SMYD3: variants seen among roughly 807,000 people sequenced by gnomAD.
The protein encoded by SMYD3 is histone-lysine N-methyltransferase SMYD3.
SMYD3 carries 36 observed loss-of-function variants against 57.7 expected under a neutral mutation model. The ratio of observed to expected loss-of-function variants is 0.62; its 90% CI spans 0.48 to 0.82. SMYD3 has a LOEUF of 0.82. SMYD3 is among the 40% of genes least tolerant of loss of function. The pLI is 0.00. For synonymous variants in SMYD3, 211 were observed against 195.0 expected, an observed-to-expected ratio of 1.08 and a Z score of -0.68; for missense variants, 515 against 538.8, an observed-to-expected ratio of 0.96 and a Z score of 0.44.
chr1:246,165,230 G>A (rs1384834230), intron 5 of SMYD3, among the ~76,000 whole-genome samples: 1 of 152,158 alleles, frequency 6.6e-6, no homozygotes, highest in Admixed American at 6.5e-5. Context: ...CAGCGGAGGT[G>A]ACAAGAAGTA....
intron 5 of SMYD3, among the ~76,000 whole-genome samples, chr1:245,973,875 A>G (rs1303277331): frequency 6.6e-6 from 1 of 152,256 alleles, no homozygotes; most frequent in Admixed American, 6.5e-5. Flanking sequence ...AATGTCCAGA[A>G]AAATAAATTT....
chr1:245,754,057 C>T (rs1254248452), intron 11 of SMYD3, among the ~76,000 whole-genome samples: 5 of 151,988 alleles, frequency 3.3e-5, no homozygotes, highest in African/African-American at 7.3e-5. Context: ...CATCCAGACT[C>T]GAAATGTCAC....
intron 5 of SMYD3, among the ~76,000 whole-genome samples, chr1:245,992,562 T>C (rs1486477167): frequency 2.7e-5 from 4 of 146,818 alleles, no homozygotes; most frequent in African/African-American, 1.0e-4. Flanking sequence ...CCTGGAGTGG[T>C]CATGGATCGG....
chr1:246,045,480 T>C (rs1172991468), intron 5 of SMYD3, among the ~76,000 whole-genome samples: 1 of 152,044 alleles, frequency 6.6e-6, no homozygotes, highest in East Asian at 1.9e-4. Context: ...CAAAAATTAA[T>C]TCAAGATGGA....
At chr1:245,955,229 C>T (rs1360225309) in intron 5 of SMYD3, among the ~76,000 whole-genome samples, 1 of 150,150 alleles carries the variant, frequency 6.7e-6, no homozygotes, top group Non-Finnish European at 1.5e-5. Flanking sequence ...GTAGCTGGGA[C>T]TACAGGTGCC....
At chr1:246,356,870 T>C (rs759542695) in intron 1 of SMYD3, among the ~76,000 whole-genome samples, 11 of 152,226 alleles carry the variant, frequency 7.2e-5, no homozygotes, top group Non-Finnish European at 1.3e-4. Flanking sequence ...GGAAACATTA[T>C]TTGAGGGAAT....
intron 10 of SMYD3, among the ~76,000 whole-genome samples, chr1:245,839,325 G>A (rs61612114): frequency 0.02 from 3,099 of 152,006 alleles, 103 homozygotes; most frequent in African/African-American, 0.069. Flanking sequence ...GCCTGCCACA[G>A]CGCCCAGCTA....
intron 5 of SMYD3, among the ~76,000 whole-genome samples, chr1:246,284,898 T>C (rs77709243): frequency 0.046 from 7,032 of 152,050 alleles, 547 homozygotes; most frequent in African/African-American, 0.16. Flanking sequence ...TTCAGGTTGC[T>C]AATATTTTAT....
intron 8 of SMYD3, among the ~76,000 whole-genome samples, chr1:245,896,443 A>T (rs966946297): frequency 1.3e-5 from 2 of 151,808 alleles, no homozygotes; most frequent in Non-Finnish European, 2.9e-5. Context: ...ATAGAACAGA[A>T]ATGCAAAGCA....
chr1:246,048,349 G>A (rs191377397), intron 5 of SMYD3, among the ~76,000 whole-genome samples: 2 of 152,220 alleles, frequency 1.3e-5, no homozygotes, highest in East Asian at 3.9e-4. Context: ...AATTCACGTG[G>A]CCTTGAAGAA....
chr1:246,372,357 T>C (rs1464026248), intron 1 of SMYD3, among the ~76,000 whole-genome samples: 1 of 152,198 alleles, frequency 6.6e-6, no homozygotes, highest in Admixed American at 6.5e-5. Flanking sequence ...AGTTTGAGCA[T>C]ATCTTTTTAT....
intron 5 of SMYD3, among the ~76,000 whole-genome samples, chr1:246,001,246 T>C (rs2059037770): frequency 6.6e-6 from 1 of 152,186 alleles, no homozygotes; most frequent in Admixed American, 6.5e-5. Flanking sequence ...TCGGAAAGTG[T>C]TGCTTCTGAC....
intron 5 of SMYD3, among the ~76,000 whole-genome samples, chr1:246,314,348 A>C (rs1160367780): frequency 6.6e-6 from 1 of 152,220 alleles, no homozygotes; most frequent in Non-Finnish European, 1.5e-5. Context: ...GGTGGAATGC[A>C]GAAAATAAGA....
chr1:246,255,148 G>A (rs1162610628), intron 5 of SMYD3, among the ~76,000 whole-genome samples: 1 of 151,994 alleles, frequency 6.6e-6, no homozygotes, highest in Non-Finnish European at 1.5e-5. Flanking sequence ...GCTCCAGCTA[G>A]CACTTCCAGG....
chr1:246,210,657 C>A (rs1443717313), intron 5 of SMYD3, among the ~76,000 whole-genome samples: 1 of 151,594 alleles, frequency 6.6e-6, no homozygotes, highest in Admixed American at 6.6e-5. Context: ...TTGCAGTGAG[C>A]CGACATTGTG....
chr1:246,324,551 G>T (rs956271584), intron 5 of SMYD3, among the ~76,000 whole-genome samples: 2 of 151,818 alleles, frequency 1.3e-5, no homozygotes, highest in African/African-American at 2.4e-5. Flanking sequence ...ATTGAGGCCA[G>T]GTATAGCCAG....
intron 1 of SMYD3, among the ~76,000 whole-genome samples, chr1:246,408,748 C>A (rs1330519754): frequency 7.3e-6 from 1 of 136,648 alleles, no homozygotes; most frequent in East Asian, 2.3e-4. Context: ...CAGTTCACTG[C>A]AAACTCTGCC....
At chr1:246,154,280 T>A (rs966237930) in intron 5 of SMYD3, among the ~76,000 whole-genome samples, 4 of 152,220 alleles carry the variant, frequency 2.6e-5, no homozygotes, top group Non-Finnish European at 5.9e-5. Context: ...TCTTACTAAG[T>A]GAATGATACC....
intron 5 of SMYD3, among the ~76,000 whole-genome samples, chr1:245,999,540 A>G (rs887866963): frequency 2.0e-5 from 3 of 152,310 alleles, no homozygotes; most frequent in African/African-American, 7.2e-5. Flanking sequence ...CCTGGAATCT[A>G]TGTTTTTAAA....
Sources: allele counts gnomAD v4.1 joint callset (sites outside exome capture counted in the v4.1 genomes callset), GRCh38; gene constraint gnomAD v4.1.1; transcripts MANE v1.5; gene names NCBI Gene and HGNC (gene_info 2026-07-23, HGNC 2026-07-21).